The following DLG2 variants were observed in gnomAD, a reference collection of about 807,000 sequenced individuals.
DLG2 encodes disks large homolog 2.
Under a neutral mutation model 132.5 loss-of-function variants are expected in DLG2, and 45 were observed. That is an observed-to-expected ratio of 0.34 (90% CI 0.27 to 0.44). The LOEUF (loss-of-function observed/expected upper bound fraction) is 0.44, where lower values mean the gene tolerates loss of function less well. Ranked by LOEUF, DLG2 falls within the 20% of genes least tolerant of loss-of-function variation. The pLI, the probability that DLG2 is intolerant of heterozygous loss-of-function variation, is 1.00. For synonymous variants in DLG2, 424 were observed against 419.6 expected, an observed-to-expected ratio of 1.01 and a Z score of -0.13; for missense variants, 1,045 against 1,196.9, an observed-to-expected ratio of 0.87 and a Z score of 1.87.
At chr11:83,855,899 C>G (rs1351676745) in intron 16 of DLG2, among the ~76,000 whole-genome samples, 2 of 152,006 alleles carry the variant, frequency 1.3e-5, no homozygotes, top group Non-Finnish European at 2.9e-5. Flanking sequence ...GTTTGTTGTA[C>G]TTGAAGGTTT....
chr11:84,273,006 A>G, intron 7 of DLG2: 1 of 630,054 alleles, frequency 1.6e-6, no homozygotes, highest in Non-Finnish European at 2.4e-6. Context: ...GAAAAACCAT[A>G]TATTTAGCCT....
chr11:84,421,256 T>C (rs1246616791), intron 7 of DLG2, among the ~76,000 whole-genome samples: 2 of 152,182 alleles, frequency 1.3e-5, no homozygotes, highest in African/African-American at 4.8e-5. Context: ...TTGTTGAAGC[T>C]ACCCAGTTTA....
chr11:83,459,961 A>G, intron 27 of DLG2, 37 bp from the exon 28 acceptor site: 3 of 1,192,190 alleles, frequency 2.5e-6, no homozygotes, highest in Non-Finnish European at 3.7e-6. Flanking sequence ...ATTAGAAATA[A>G]TTTCCTGGAT....
chr11:84,569,179 TCTAA>T (rs1273133132), intron 6 of DLG2, among the ~76,000 whole-genome samples: 17 of 152,004 alleles, frequency 1.1e-4, no homozygotes, highest in African/African-American at 2.4e-4. Flanking sequence ...CACAATAAAC[TCTAA>T]CTGTCTGGGG....
intron 6 of DLG2, among the ~76,000 whole-genome samples, chr11:84,663,303 G>C (rs572187096): frequency 6.7e-6 from 1 of 149,964 alleles, no homozygotes; most frequent in Non-Finnish European, 1.5e-5. Flanking sequence ...TAGACTCTTG[G>C]CTTGAGGGCA....
At chr11:85,121,052 T>A (rs1344714216) in intron 5 of DLG2, among the ~76,000 whole-genome samples, 1 of 152,002 alleles carries the variant, frequency 6.6e-6, no homozygotes, top group African/African-American at 2.4e-5. Context: ...ATAATTACTA[T>A]TATAGTTTTT....
At chr11:83,989,809 A>G (rs776401241) in intron 11 of DLG2, among the ~76,000 whole-genome samples, 2 of 152,208 alleles carry the variant, frequency 1.3e-5, no homozygotes, top group Admixed American at 6.5e-5. Context: ...GAATACAATG[A>G]GTTCCTGACT....
intron 11 of DLG2, among the ~76,000 whole-genome samples, chr11:84,016,258 CT>C (rs1240686471): frequency 4.6e-5 from 7 of 151,860 alleles, no homozygotes; most frequent in African/African-American, 1.7e-4. Context: ...GTTTAAGTTC[CT>C]TACAGATACT....
chr11:83,872,538 GTGTT>G (rs2063683207), intron 16 of DLG2, among the ~76,000 whole-genome samples: 1 of 152,138 alleles, frequency 6.6e-6, no homozygotes, highest in Non-Finnish European at 1.5e-5. Context: ...AGTCACTCTG[GTGTT>G]TTGAAGTTAG....
intron 7 of DLG2, among the ~76,000 whole-genome samples, chr11:84,472,893 A>G (rs1054024886): frequency 1.3e-5 from 2 of 152,080 alleles, no homozygotes; most frequent in Non-Finnish European, 2.9e-5. Context: ...AATATTTATC[A>G]TTATAGTTAC....
chr11:83,584,818 A>G (rs980632892), intron 19 of DLG2, among the ~76,000 whole-genome samples: 1 of 152,204 alleles, frequency 6.6e-6, no homozygotes, highest in African/African-American at 2.4e-5. Context: ...CAAAATCAGT[A>G]ATTTAGGCAA....
intron 10 of DLG2, among the ~76,000 whole-genome samples, chr11:84,086,572 C>T (rs2154163419): frequency 6.7e-6 from 1 of 150,282 alleles, no homozygotes; most frequent in Non-Finnish European, 1.5e-5. Flanking sequence ...TCACTGCAGC[C>T]TTAACCTCCT....
chr11:85,233,618 C>T (rs2075417625), intron 4 of DLG2, among the ~76,000 whole-genome samples: 1 of 151,372 alleles, frequency 6.6e-6, no homozygotes, highest in Admixed American at 6.6e-5. Context: ...ACAGTGTTGG[C>T]AAGATAATGG....
At chr11:83,495,791 A>G (rs943831181) in intron 21 of DLG2, among the ~76,000 whole-genome samples, 1 of 152,208 alleles carries the variant, frequency 6.6e-6, no homozygotes, top group African/African-American at 2.4e-5. Flanking sequence ...CTTGGGAAAG[A>G]ATAAACTTTG....
At chr11:84,080,196 T>C (rs1012037724) in intron 10 of DLG2, among the ~76,000 whole-genome samples, 1 of 152,184 alleles carries the variant, frequency 6.6e-6, no homozygotes, top group Admixed American at 6.5e-5. Flanking sequence ...GGCCAATAAA[T>C]AACAACAGTT....
intron 6 of DLG2, among the ~76,000 whole-genome samples, chr11:84,642,034 A>C (rs551082745): frequency 1.9e-5 from 2 of 106,560 alleles, no homozygotes; most frequent in Non-Finnish European, 3.9e-5. Flanking sequence ...ACACACACAC[A>C]TGCATACGTA....
rs2088006502 is a variant in DLG2, at chr11:83,959,798, T to C, written c.1340+3087A>G. ...ATTTTGATTCTATTTGATTGCTGTA[T>C]GCTATGAGGCAATTACTTAACCTCT... On this transcript the variant is annotated intron_variant, in intron 14 of 27. Transcript: ENST00000376104. Among the ~76,000 whole-genome samples the C allele has an allele frequency of 2.0e-5, 3 of 152,232 alleles. No individual in the cohort carries two copies. In the South Asian group the frequency reaches 6.2e-4, roughly 32 times the overall value.
chr11:84,254,020 G>T (rs2097426774), intron 7 of DLG2, among the ~76,000 whole-genome samples: 1 of 152,092 alleles, frequency 6.6e-6, no homozygotes, highest in Admixed American at 6.6e-5. Flanking sequence ...TGAAGCCTTA[G>T]TATGTATTTT....
chr11:84,926,335 G>A (rs569271118), intron 6 of DLG2, among the ~76,000 whole-genome samples: 1 of 152,050 alleles, frequency 6.6e-6, no homozygotes, highest in East Asian at 1.9e-4. Context: ...TTGATGTAGT[G>A]ATTCAACTTT....
Sources: gnomAD v4.1 joint callset for allele counts (sites outside exome capture counted in the v4.1 genomes callset) on GRCh38, gnomAD v4.1.1 for gene constraint, MANE v1.5 for transcripts, NCBI Gene and HGNC (gene_info 2026-07-23, HGNC 2026-07-21) for gene names.